Variants in FAM135A observed in about 807,000 individuals in gnomAD.
FAM135A encodes protein FAM135A.
FAM135A carries 79 observed loss-of-function variants against 146.8 expected under a neutral mutation model. The observed-to-expected ratio is 0.54, with a 90% CI of 0.45 to 0.65. The LOEUF (loss-of-function observed/expected upper bound fraction) is 0.65. FAM135A is among the 30% of genes least tolerant of loss of function. FAM135A has a pLI of 0.00. For missense variants in FAM135A, 1,623 were observed against 1,758.2 expected (o/e 0.92, Z 1.38); for synonymous variants, 562 against 603.6 (o/e 0.93, Z 1.01).
At chr6:70,475,140 T>A (rs1320078979) in intron 5 of FAM135A, among the ~76,000 whole-genome samples, 1 of 152,252 alleles carries the variant, frequency 6.6e-6, no homozygotes. Context: ...ACAGATCAGT[T>A]GTTCACTCTA....
rs1561972102 is a variant in FAM135A, at chr6:70,525,150, TG to T, written c.2068del (p.Asp690IlefsTer10). ...GAGCTTCGACAAGAGGAAATACTTGTGGATAATTTACTACCCAACTTTGAGT... is the reference window on the plus strand; with the variant it reads ...GAGCTTCGACAAGAGGAAATACTTGTGATAATTTACTACCCAACTTTGAGT... ...WTELRQEEIL[V>X]DNLLPNFESL... On this transcript the variant is annotated frameshift_variant, in exon 15 of 22. Coordinates refer to ENST00000418814, the MANE Select transcript of FAM135A (RefSeq NM_001162529.3). LOFTEE classifies it high-confidence loss of function. The T allele has an allele frequency of 6.3e-7, 1 of 1,576,334 alleles. No individual in the cohort carries two copies. The highest frequency in any genetic ancestry group is 8.6e-7 in the Non-Finnish European group (1 of 1,165,482).
chr6:70,527,634 G>A (rs1325614568), intron 15 of FAM135A, among the ~76,000 whole-genome samples: 2 of 152,070 alleles, frequency 1.3e-5, no homozygotes, highest in Non-Finnish European at 2.9e-5. Flanking sequence ...TCCTCTTCCA[G>A]CTTCACTTTA....
chr6:70,545,042 ACT>A (rs1052347700), intron 20 of FAM135A, among the ~76,000 whole-genome samples: 3 of 151,136 alleles, frequency 2.0e-5, no homozygotes, highest in Admixed American at 6.6e-5. Context: ...CAAGACTGAA[ACT>A]CTGTCTCAAA....
intron 4 of FAM135A, among the ~76,000 whole-genome samples, chr6:70,435,079 GTGTATATA>G (rs1345814774): frequency 0.092 from 8,257 of 89,306 alleles, 910 homozygotes; most frequent in African/African-American, 0.27. Context: ...GTGTGTGTGT[GTGTATATA>G]TATATATATA....
chr6:70,435,596 C>G (rs993971838), intron 4 of FAM135A, among the ~76,000 whole-genome samples: 4 of 151,600 alleles, frequency 2.6e-5, no homozygotes, highest in Non-Finnish European at 5.9e-5. Flanking sequence ...GTCGGCTCAT[C>G]GCAACCTCCA....
At chr6:70,558,355 C>T (rs1259681775) in intron 21 of FAM135A, among the ~76,000 whole-genome samples, 1 of 152,204 alleles carries the variant, frequency 6.6e-6, no homozygotes, top group African/African-American at 2.4e-5. Flanking sequence ...CTCACACGTT[C>T]CATGGACACT....
intron 5 of FAM135A, among the ~76,000 whole-genome samples, chr6:70,465,052 C>G (rs1780189294): frequency 6.6e-6 from 1 of 151,866 alleles, no homozygotes; most frequent in Non-Finnish European, 1.5e-5. Flanking sequence ...TTTCCTACCC[C>G]CTGTCAACCC....
intron 10 of FAM135A, among the ~76,000 whole-genome samples, chr6:70,487,773 A>G (rs1784972182): frequency 1.3e-5 from 2 of 152,280 alleles, no homozygotes; most frequent in South Asian, 4.1e-4. Context: ...AATTTAAACT[A>G]TTTTATTGCC....
In FAM135A at chr6:70,517,346, G is replaced by T. The variant is rs188786192; in HGVS notation, c.1030-5167G>T. On this transcript the variant is annotated intron_variant, in intron 12 of 21. Transcript: ENST00000418814. ...AGGAGTTCCAGACCAGCCTGGGCAAGATGGGGAAACCTCATCTCTACAAAA... is the reference window on the plus strand; with the variant it reads ...AGGAGTTCCAGACCAGCCTGGGCAATATGGGGAAACCTCATCTCTACAAAA... 5.6e-3 allele frequency among the ~76,000 whole-genome samples: 852 copies of T among 151,420 alleles called. 3 individuals carry two copies. The highest frequency in any genetic ancestry group is 8.2e-3 in the Non-Finnish European group (558 of 67,838).
At chr6:70,416,027 C>T (rs986029805) in intron 2 of FAM135A, among the ~76,000 whole-genome samples, 1 of 152,048 alleles carries the variant, frequency 6.6e-6, no homozygotes, top group Non-Finnish European at 1.5e-5. Flanking sequence ...CCAAATCAAA[C>T]ATTTCTTTTT....
At chr6:70,546,540 T>C (rs1035833175) in intron 20 of FAM135A, among the ~76,000 whole-genome samples, 1 of 152,216 alleles carries the variant, frequency 6.6e-6, no homozygotes, top group Admixed American at 6.5e-5. Context: ...AAGCTGTTCA[T>C]TATTTTAAAA....
rs1367046181 is a variant in FAM135A, at chr6:70,524,358, G to C, written c.1274G>C (p.Trp425Ser). The change falls in exon 15 of 22, where the codon TGG (tryptophan) becomes TCG (serine). Residue 425 changes from tryptophan (W) to serine (S), a missense_variant. By Grantham distance (177) the Trp-to-Ser change is radical. Around this residue, in one of 7 missense-constraint regions of FAM135A, gnomAD observed 1,061 missense variants for 1,113.8 expected, o/e 0.95. Transcript: ENST00000418814. ...DSVTEDLDAP[W>S]MGIQNLQRSE... ...TGGATAAAAGACTTAGATGCACCCT[G>C]GATGGGAATTCAGAATCTTCAGAGA... The C allele has an allele frequency of 2.7e-6, 4 of 1,490,164 alleles. No individual in the cohort carries two copies. In the African/African-American group the frequency reaches 5.7e-5, roughly 21 times the overall value. 92.3% of individuals were successfully genotyped at this position (1,490,164 alleles called of 1,614,324 possible).
chr6:70,473,679 A>G (rs1782046047), intron 5 of FAM135A, among the ~76,000 whole-genome samples: 1 of 152,032 alleles, frequency 6.6e-6, no homozygotes. Context: ...GCTTCACCTT[A>G]TGCAAGGTCA....
chr6:70,444,273 C>A (rs995305437), intron 4 of FAM135A, among the ~76,000 whole-genome samples: 2 of 152,130 alleles, frequency 1.3e-5, no homozygotes, highest in Non-Finnish European at 2.9e-5. Context: ...CTTTGTGGCA[C>A]ACGCCTGTAA....
chr6:70,506,971 A>G (rs561070704), intron 12 of FAM135A, among the ~76,000 whole-genome samples: 1 of 152,138 alleles, frequency 6.6e-6, no homozygotes, highest in Non-Finnish European at 1.5e-5. Context: ...ACAAGAAGGT[A>G]AACTTAAAAG....
At chr6:70,489,690 G>A (rs71559586) in intron 10 of FAM135A, among the ~76,000 whole-genome samples, 1 of 152,182 alleles carries the variant, frequency 6.6e-6, no homozygotes, top group Non-Finnish European at 1.5e-5. Context: ...AGGGCATGAG[G>A]AGGTGTCACT....
At chr6:70,544,397 G>T (rs1798473714) in intron 20 of FAM135A, among the ~76,000 whole-genome samples, 1 of 151,970 alleles carries the variant, frequency 6.6e-6, no homozygotes, top group Non-Finnish European at 1.5e-5. Context: ...GCATGGTGGT[G>T]TATGCCTGTA....
chr6:70,501,469 C>A (rs1026905028), intron 11 of FAM135A, among the ~76,000 whole-genome samples: 1 of 152,190 alleles, frequency 6.6e-6, no homozygotes, highest in Non-Finnish European at 1.5e-5. Context: ...CCACCTGGCT[C>A]CCTGGCTTCA....
intron 10 of FAM135A, among the ~76,000 whole-genome samples, chr6:70,487,118 A>G (rs1363330417): frequency 6.6e-6 from 1 of 151,582 alleles, no homozygotes; most frequent in Non-Finnish European, 1.5e-5. Flanking sequence ...AGCTTTAAAA[A>G]AAGAAATAGA....
Sources: allele counts gnomAD v4.1 joint callset (sites outside exome capture counted in the v4.1 genomes callset), GRCh38; gene constraint gnomAD v4.1.1; regional missense constraint gnomAD v4.1.1; transcripts MANE v1.5; gene names NCBI Gene and HGNC (gene_info 2026-07-23, HGNC 2026-07-21).